The following KLHL29 variants were observed in gnomAD, a reference collection of about 807,000 sequenced individuals.
KLHL29 encodes kelch-like protein 29.
A neutral mutation model predicts 80.4 loss-of-function variants in KLHL29; 21 were observed. The observed-to-expected ratio is 0.26, with a 90% CI of 0.19 to 0.38. The LOEUF (loss-of-function observed/expected upper bound fraction) is 0.38, where lower values mean the gene tolerates loss of function less well. Ranked by LOEUF, KLHL29 falls within the 10% of genes least tolerant of loss-of-function variation. The pLI, the probability that KLHL29 is intolerant of heterozygous loss-of-function variation, is 1.00. For missense variants in KLHL29, 867 were observed against 1,223.9 expected, an observed-to-expected ratio of 0.71 and a Z score of 4.35; for synonymous variants, 511 against 526.8, an observed-to-expected ratio of 0.97 and a Z score of 0.41.
At chr2:23,602,416 G>C (rs976122778) in intron 3 of KLHL29, among the ~76,000 whole-genome samples, 9 of 152,130 alleles carry the variant, frequency 5.9e-5, no homozygotes, top group African/African-American at 2.2e-4. Context: ...GGCCCCAAAG[G>C]CTGGCTCTGA....
intron 1 of KLHL29, among the ~76,000 whole-genome samples, chr2:23,388,490 A>G (rs1438840613): frequency 6.6e-6 from 1 of 152,098 alleles, no homozygotes; most frequent in Non-Finnish European, 1.5e-5. Context: ...CACCGTTGTT[A>G]TCAACACCTG....
intron 5 of KLHL29, among the ~76,000 whole-genome samples, chr2:23,675,065 C>T (rs72794291): frequency 0.099 from 15,094 of 152,210 alleles, 866 homozygotes; most frequent in Middle Eastern, 0.17. Context: ...CTGGCCTTGA[C>T]CCTGTTTCTC....
intron 3 of KLHL29, among the ~76,000 whole-genome samples, chr2:23,581,090 A>AT (rs67225433): frequency 2.2e-4 from 33 of 150,864 alleles, no homozygotes; most frequent in Non-Finnish European, 3.4e-4. Context: ...CTGGAGGCTT[A>AT]TTTTTTTTTT....
Position 23,596,177 on chromosome 2 carries a change from G to A in KLHL29, c.285+33696G>A, listed in dbSNP as rs570434671. 1.3e-5 allele frequency among the ~76,000 whole-genome samples: 2 copies of A among 152,344 alleles called. No individual in the cohort carries two copies. The highest frequency in any genetic ancestry group is 1.5e-5 in the Non-Finnish European group (1 of 68,028). On this transcript the variant is annotated intron_variant, in intron 3 of 13. Transcript: ENST00000486442. This position sits in a 1 kb window ranked among gnomAD's most constrained non-coding sequence, Gnocchi z 4.4. ...CGGCAGCCAGCCGGACGGGCAGGCC[G>A]GGGGCGGGGCAGGGCAACAGCCTTG...
At chr2:23,629,208 C>G (rs1354459511) in intron 3 of KLHL29, among the ~76,000 whole-genome samples, 1 of 152,114 alleles carries the variant, frequency 6.6e-6, no homozygotes, top group Admixed American at 6.5e-5. Context: ...CCTCCACGTC[C>G]CTGTCTGTCC....
chr2:23,433,263 G>A (rs1663235460), intron 1 of KLHL29, among the ~76,000 whole-genome samples: 1 of 152,252 alleles, frequency 6.6e-6, no homozygotes, highest in Admixed American at 6.5e-5. Flanking sequence ...CAGAACATGT[G>A]TTGAAATCCT....
intron 5 of KLHL29, among the ~76,000 whole-genome samples, chr2:23,653,867 T>C (rs1558425635): frequency 6.6e-6 from 1 of 152,150 alleles, no homozygotes; most frequent in Non-Finnish European, 1.5e-5. Flanking sequence ...TATATCCTGG[T>C]TAAATTGCCC....
chr2:23,580,094 G>A (rs1024384311), intron 3 of KLHL29, among the ~76,000 whole-genome samples: 3 of 152,240 alleles, frequency 2.0e-5, no homozygotes, highest in Non-Finnish European at 4.4e-5. Flanking sequence ...GACCAGGCCG[G>A]GCGCGGTGGC....
intron 2 of KLHL29, among the ~76,000 whole-genome samples, chr2:23,526,286 CAG>C (rs1212358157): frequency 4.6e-5 from 7 of 151,088 alleles, no homozygotes; most frequent in Admixed American, 1.3e-4. Context: ...GGAAGCGTCA[CAG>C]GGGAGGGGAA....
intron 1 of KLHL29, among the ~76,000 whole-genome samples, chr2:23,425,458 G>A (rs932810638): frequency 3.3e-5 from 5 of 152,136 alleles, no homozygotes; most frequent in African/African-American, 1.2e-4. Flanking sequence ...GCCAGACCAG[G>A]GTCCCATAGC....
rs549828540 is a variant in KLHL29 at position 23,689,822 on chromosome 2, C to T, written c.1080-1852C>T. 2.0e-5 allele frequency: 3 copies of T among 152,370 alleles called. No individual in the cohort carries two copies. The East Asian group carries it at 5.8e-4, about 29-fold the overall frequency. The allele number at this position is 152,370 out of a possible 1,614,324, so 9.4% of individuals were successfully genotyped here. Reference sequence around the variant, plus strand: ...GAGGATTTCTGTGATTTTAAGTGATCACGTAGTGAATTATTTTTACGCTTA... The same window carrying T: ...GAGGATTTCTGTGATTTTAAGTGATTACGTAGTGAATTATTTTTACGCTTA... On this transcript the variant is annotated intron_variant, in intron 6 of 13. Transcript: ENST00000486442.
intron 11 of KLHL29, among the ~76,000 whole-genome samples, chr2:23,701,901 A>G (rs951675775): frequency 6.8e-6 from 1 of 146,998 alleles, no homozygotes; most frequent in African/African-American, 2.5e-5. Flanking sequence ...CCCAGGTTCA[A>G]GCAGTTCTTC....
chr2:23,438,429 A>G (rs1663408553), intron 1 of KLHL29, among the ~76,000 whole-genome samples: 2 of 124,858 alleles, frequency 1.6e-5, no homozygotes, highest in South Asian at 2.7e-4. Context: ...CCCATTCGGT[A>G]TGATATCGGC....
Position 23,502,726 on chromosome 2 carries a change from T to C in KLHL29, c.-46+27059T>C, listed in dbSNP as rs560487512. On this transcript the variant is annotated intron_variant, in intron 2 of 13. Transcript: ENST00000486442. ...ATCTCTTTAGATGCAGTGTGTGTCT[T>C]ATTCCCATGATGCTGGTGGCCACTC... Among the ~76,000 whole-genome samples the C allele has an allele frequency of 7.9e-5, 12 of 152,358 alleles. No homozygotes were observed. The East Asian group carries it at 2.3e-3, about 29-fold the overall frequency.
At chr2:23,659,591 C>T (rs144098931) in intron 5 of KLHL29, among the ~76,000 whole-genome samples, 28 of 152,326 alleles carry the variant, frequency 1.8e-4, no homozygotes, top group African/African-American at 6.5e-4. Context: ...GGCTTCGGCT[C>T]AGTTCAGCTC....
In KLHL29 at chr2:23,562,088, T is replaced by C; in HGVS notation, c.-45-64T>C. ...GAACCCAGAGAAGGGGCTTCATGGA[T>C]GCTGTCAGTTGTCGCTGCCTGCTCC... On this transcript the variant is annotated intron_variant, in intron 2 of 13. Transcript: ENST00000486442. This position sits in a 1 kb window ranked among gnomAD's most constrained non-coding sequence, Gnocchi z 4.5. 1 of 1,276,476 alleles carries C rather than the reference T, an allele frequency of 7.8e-7. No homozygotes were observed. Among genetic ancestry groups the C allele is most frequent in the Non-Finnish European group, 1.1e-6 (1 of 919,922 alleles). The allele number at this position is 1,276,476 out of a possible 1,614,324, so 79.1% of individuals were successfully genotyped here.
intron 1 of KLHL29, among the ~76,000 whole-genome samples, chr2:23,475,228 A>G (rs1165350708): frequency 2.0e-5 from 3 of 151,978 alleles, no homozygotes; most frequent in Non-Finnish European, 4.4e-5. Context: ...TCTGTTATTC[A>G]GTGTCAATGG....
intron 3 of KLHL29, among the ~76,000 whole-genome samples, chr2:23,571,418 T>C (rs1358132699): frequency 6.6e-6 from 1 of 152,146 alleles, no homozygotes; most frequent in African/African-American, 2.4e-5. Flanking sequence ...CCTTCTCCCT[T>C]CCCAGCAGAA....
intron 1 of KLHL29, among the ~76,000 whole-genome samples, chr2:23,459,060 A>T (rs1664139386): frequency 6.6e-6 from 1 of 152,096 alleles, no homozygotes; most frequent in African/African-American, 2.4e-5. Flanking sequence ...GGTAAGAGGT[A>T]TGTCGAGGGG....
Sources: allele counts gnomAD v4.1 joint callset (sites outside exome capture counted in the v4.1 genomes callset), GRCh38; gene constraint gnomAD v4.1.1; non-coding constraint Gnocchi (gnomAD v3.1); transcripts MANE v1.5; gene names NCBI Gene and HGNC (gene_info 2026-07-23, HGNC 2026-07-21).